The following INSC variants were observed in gnomAD, a reference collection of about 807,000 sequenced individuals.
The protein encoded by INSC is INSC spindle orientation adaptor protein.
In INSC, 67 loss-of-function variants were observed where a neutral mutation model predicts 58.6. The observed-to-expected ratio is 1.14, with a 90% CI of 0.94 to 1.40. The LOEUF is 1.40. INSC is among the 40% of genes most tolerant of loss of function. INSC has a pLI of 0.00. For synonymous variants in INSC, 262 were observed against 276.1 expected (o/e 0.95, Z 0.51); for missense variants, 714 against 692.0 (o/e 1.03, Z -0.36).
intron 6 of INSC, among the ~76,000 whole-genome samples, chr11:15,194,405 C>T (rs1041294010): frequency 1.3e-5 from 2 of 152,132 alleles, no homozygotes; most frequent in Non-Finnish European, 2.9e-5. Context: ...TTGTGCCCTA[C>T]CCAAGATTCC....
At chr11:15,171,173 C>T (rs1275984081) in intron 2 of INSC, among the ~76,000 whole-genome samples, 2 of 152,052 alleles carry the variant, frequency 1.3e-5, no homozygotes, top group African/African-American at 4.8e-5. Flanking sequence ...TCTTTCCTTT[C>T]CAGGCCAGAG....
intron 9 of INSC, among the ~76,000 whole-genome samples, chr11:15,230,820 G>A (rs892781626): frequency 1.3e-5 from 2 of 152,196 alleles, no homozygotes; most frequent in Admixed American, 6.5e-5. Context: ...CCAGCAGCAC[G>A]GGACCTACAT....
chr11:15,217,500 A>G (rs1409144814), intron 7 of INSC, among the ~76,000 whole-genome samples: 1 of 152,200 alleles, frequency 6.6e-6, no homozygotes, highest in African/African-American at 2.4e-5. Flanking sequence ...CTGATGCTAC[A>G]GGAATTGCCT....
chr11:15,215,068 G>T (rs1451999182), intron 7 of INSC, among the ~76,000 whole-genome samples: 3 of 152,160 alleles, frequency 2.0e-5, no homozygotes, highest in Non-Finnish European at 4.4e-5. Flanking sequence ...TCCCTGGGAA[G>T]AATCTCAGCA....
intron 2 of INSC, among the ~76,000 whole-genome samples, chr11:15,174,932 A>G (rs954192595): frequency 2.6e-5 from 4 of 152,210 alleles, no homozygotes; most frequent in Non-Finnish European, 5.9e-5. Flanking sequence ...CAATGATCTG[A>G]TATTACTGAC....
chr11:15,133,634 A>C (rs1848174698), intron 1 of INSC, among the ~76,000 whole-genome samples: 1 of 152,200 alleles, frequency 6.6e-6, no homozygotes, highest in African/African-American at 2.4e-5. Context: ...AGGCTTTATC[A>C]CATGTCTCCT....
chr11:15,174,003 T>C (rs974325236), intron 2 of INSC, among the ~76,000 whole-genome samples: 15 of 152,288 alleles, frequency 9.8e-5, no homozygotes, highest in Admixed American at 9.8e-4. Flanking sequence ...TTTGCTATAC[T>C]GACTCAGAAT....
chr11:15,225,853 C>T, intron 9 of INSC, 25 bp downstream of exon 9: 2 of 1,602,206 alleles, frequency 1.2e-6, no homozygotes, highest in Non-Finnish European at 1.7e-6. Flanking sequence ...AGGCACTGAG[C>T]ACAGGGCCCA....
At chr11:15,162,139 G>A (rs1389328847) in intron 2 of INSC, among the ~76,000 whole-genome samples, 5 of 152,186 alleles carry the variant, frequency 3.3e-5, no homozygotes, top group Admixed American at 3.3e-4. Context: ...GGTGACAAGA[G>A]TTCTTGGGGG....
intron 6 of INSC, among the ~76,000 whole-genome samples, chr11:15,195,980 G>T (rs968358607): frequency 2.0e-5 from 3 of 152,162 alleles, no homozygotes; most frequent in Non-Finnish European, 4.4e-5. Context: ...TGAACTATTT[G>T]CCACGTTTAG....
At chr11:15,157,876 A>G (rs80111751) in intron 2 of INSC, among the ~76,000 whole-genome samples, 1,861 of 152,050 alleles carry the variant, frequency 0.012, 45 homozygotes, top group African/African-American at 0.043. Context: ...CCTGACCCCC[A>G]CTTCTGCTGT....
At chr11:15,124,264 C>T (rs776579327) in intron 1 of INSC, among the ~76,000 whole-genome samples, 3 of 152,186 alleles carry the variant, frequency 2.0e-5, no homozygotes, top group Admixed American at 6.5e-5. Context: ...GGAGATGTCA[C>T]TGTGCTGGTC....
chr11:15,113,119 C>CTCTTTCTTTCTTTCTTTCTTTCTT (rs746409775), upstream of INSC, among the ~76,000 whole-genome samples: 209 of 73,280 alleles, frequency 2.9e-3, 7 homozygotes, highest in African/African-American at 8.7e-3. Context: ...TTCTCTCTCT[C>CTCTTTCTTTCTTTCTTTCTTTCTT]TCTTTCTTTC....
the INSC span, among the ~76,000 whole-genome samples, chr11:15,264,326 C>T: frequency 6.7e-6 from 1 of 149,082 alleles, no homozygotes; most frequent in Non-Finnish European, 1.5e-5. Flanking sequence ...GCGGCTGCTG[C>T]GTATCTCTGA....
intron 5 of INSC, among the ~76,000 whole-genome samples, chr11:15,187,799 C>G (rs1318688528): frequency 6.6e-6 from 1 of 151,850 alleles, no homozygotes; most frequent in African/African-American, 2.4e-5. Context: ...TTTTTTCAGT[C>G]TTTTACCACT....
chr11:15,257,047 T>C, the INSC span, among the ~76,000 whole-genome samples: 1 of 152,204 alleles, frequency 6.6e-6, no homozygotes, highest in Non-Finnish European at 1.5e-5. Context: ...TTAATGGTAT[T>C]TTCCAACATT....
chr11:15,116,311 A>C (rs761051289), intron 1 of INSC, among the ~76,000 whole-genome samples: 3 of 152,214 alleles, frequency 2.0e-5, no homozygotes, highest in African/African-American at 2.4e-5. Context: ...GTTGGGTCCC[A>C]AGGCAACCAT....
rs1345330268 is a variant in INSC, at chr11:15,180,236, C to T, written c.579+1789C>T. ...TCGCGCCACTGCACTCCAGCCTGGG[C>T]AACAGAGTGAGACTCCGTCTCAAAA... On this transcript the variant is annotated intron_variant, in intron 5 of 12. Coordinates refer to ENST00000379556, the MANE Select transcript of INSC (RefSeq NM_001042536.3). 3.3e-5 allele frequency among the ~76,000 whole-genome samples: 5 copies of T among 151,960 alleles called. No individual in the cohort carries two copies. The East Asian group carries it at 9.7e-4, about 30-fold the overall frequency.
Position 15,240,533 on chromosome 11 carries a change from C to T in INSC, c.1470+10C>T. 2 of 1,610,658 alleles carry T rather than the reference C, an allele frequency of 1.2e-6. No homozygotes were observed. The highest frequency in any genetic ancestry group is 2.2e-5 in the South Asian group (2 of 90,344). Reference sequence around the variant, plus strand: ...GCTTGTGGCCTGCCTGGTGAGTTCTCAGTCTTCCCCCAGCTTTTCCCCTGG... The same window carrying T: ...GCTTGTGGCCTGCCTGGTGAGTTCTTAGTCTTCCCCCAGCTTTTCCCCTGG... On this transcript the variant is annotated intron_variant, in intron 12 of 12. Transcript: ENST00000379556.
Sources: allele counts gnomAD v4.1 joint callset (sites outside exome capture counted in the v4.1 genomes callset), GRCh38; gene constraint gnomAD v4.1.1; transcripts MANE v1.5; gene names NCBI Gene and HGNC (gene_info 2026-07-23, HGNC 2026-07-21).